KCTD8: variants seen among roughly 807,000 people sequenced by gnomAD.
KCTD8 encodes potassium channel tetramerization domain containing 8.
In KCTD8, 27 loss-of-function variants were observed where a neutral mutation model predicts 31.5. That is an observed-to-expected ratio of 0.86 (90% CI 0.63 to 1.18). The LOEUF is 1.18. KCTD8 is among the 50% of genes most tolerant of loss of function. KCTD8 has a pLI of 0.00. For missense variants in KCTD8, 658 were observed against 647.7 expected (o/e 1.02, Z -0.17); for synonymous variants, 290 against 280.0 (o/e 1.04, Z -0.36).
At chr4:44,242,078 T>C (rs1326967914) in intron 1 of KCTD8, among the ~76,000 whole-genome samples, 3 of 152,202 alleles carry the variant, frequency 2.0e-5, no homozygotes, top group Non-Finnish European at 2.9e-5. Context: ...GACTACTCAG[T>C]GTGCAAAAAA....
chr4:44,316,856 T>C (rs1471202449), intron 1 of KCTD8, among the ~76,000 whole-genome samples: 1 of 143,938 alleles, frequency 6.9e-6, no homozygotes, highest in African/African-American at 2.6e-5. Flanking sequence ...CCGGCGCCTG[T>C]AGTCCCAGAT....
intron 1 of KCTD8, among the ~76,000 whole-genome samples, chr4:44,225,538 A>AT (rs537305803): frequency 1.0e-3 from 152 of 151,994 alleles, no homozygotes; most frequent in African/African-American, 3.5e-3. Context: ...ATCATATTGG[A>AT]TTTTTTCTCA....
At chr4:44,366,031 A>G (rs1010560084) in intron 1 of KCTD8, among the ~76,000 whole-genome samples, 4 of 152,198 alleles carry the variant, frequency 2.6e-5, no homozygotes, top group Non-Finnish European at 2.9e-5. Context: ...ACAATATGAC[A>G]TGATTTATAT....
chr4:44,403,669 T>C (rs1720718927), intron 1 of KCTD8, among the ~76,000 whole-genome samples: 1 of 151,838 alleles, frequency 6.6e-6, no homozygotes, highest in Non-Finnish European at 1.5e-5. Flanking sequence ...CAGATTAGAT[T>C]AGGCCCACTC....
At chr4:44,405,817 CAAAAAA>C (rs903559298) in intron 1 of KCTD8, among the ~76,000 whole-genome samples, 8 of 32,246 alleles carry the variant, frequency 2.5e-4, no homozygotes, top group South Asian at 3.2e-3. Flanking sequence ...TCCTGTTTCT[CAAAAAA>C]AAAAAAAAAA....
intron 1 of KCTD8, among the ~76,000 whole-genome samples, chr4:44,282,406 C>T (rs1716927155): frequency 6.6e-6 from 1 of 152,078 alleles, no homozygotes; most frequent in South Asian, 2.1e-4. Flanking sequence ...GTGTGTTCTC[C>T]ATCTCTCTCC....
intron 1 of KCTD8, among the ~76,000 whole-genome samples, chr4:44,297,320 T>A (rs1717463845): frequency 6.6e-6 from 1 of 152,130 alleles, no homozygotes; most frequent in South Asian, 2.1e-4. Context: ...GCAAATTAAA[T>A]CACATTTTGG....
intron 1 of KCTD8, among the ~76,000 whole-genome samples, chr4:44,305,039 G>T (rs1274346974): frequency 6.6e-6 from 1 of 151,826 alleles, no homozygotes; most frequent in East Asian, 1.9e-4. Context: ...CATTAAAATA[G>T]TATAAGAATA....
At chr4:44,272,996 A>T (rs1419186705) in intron 1 of KCTD8, among the ~76,000 whole-genome samples, 2 of 152,084 alleles carry the variant, frequency 1.3e-5, no homozygotes, top group Non-Finnish European at 2.9e-5. Context: ...GTCACATCAC[A>T]TATCAGCAAC....
Position 44,323,402 on chromosome 4 carries a change from G to A in KCTD8, c.961+124161C>T, listed in dbSNP as rs1312588492. ...CCAGCTACTTGGGAGGCTGAAGTAG[G>A]AGAATCCCTTGAACGTAGGAGGCAG... On this transcript the variant is annotated intron_variant, in intron 1 of 1. Transcript: ENST00000360029. Among the ~76,000 whole-genome samples the A allele has an allele frequency of 2.0e-5, 3 of 151,728 alleles. No homozygotes were observed. The East Asian group carries it at 5.8e-4, about 29-fold the overall frequency.
chr4:44,336,624 C>A (rs74925068), intron 1 of KCTD8, among the ~76,000 whole-genome samples: 21 of 151,778 alleles, frequency 1.4e-4, no homozygotes, highest in Non-Finnish European at 2.4e-4. Flanking sequence ...AAATCATAAA[C>A]TGAAAAACAA....
intron 1 of KCTD8, among the ~76,000 whole-genome samples, chr4:44,429,948 T>C (rs1038669901): frequency 6.6e-6 from 1 of 151,582 alleles, no homozygotes; most frequent in African/African-American, 2.4e-5. Flanking sequence ...TAAATTGCAA[T>C]GGCTTTCCTT....
chr4:44,352,976 G>C (rs1719252261), intron 1 of KCTD8, among the ~76,000 whole-genome samples: 1 of 152,100 alleles, frequency 6.6e-6, no homozygotes, highest in Middle Eastern at 3.4e-3. Flanking sequence ...TAAGTATAAA[G>C]GTGCATACGA....
intron 1 of KCTD8, among the ~76,000 whole-genome samples, chr4:44,269,688 T>G (rs1196360340): frequency 6.6e-6 from 1 of 151,930 alleles, no homozygotes; most frequent in Non-Finnish European, 1.5e-5. Context: ...TCAAACAAAT[T>G]TACAAGAAAA....
intron 1 of KCTD8, among the ~76,000 whole-genome samples, chr4:44,339,646 T>C (rs1350693395): frequency 6.6e-6 from 1 of 152,026 alleles, no homozygotes; most frequent in Non-Finnish European, 1.5e-5. Flanking sequence ...GACAAAAATA[T>C]CCATACTGAT....
At chr4:44,358,933 C>CT (rs1430280602) in intron 1 of KCTD8, among the ~76,000 whole-genome samples, 1 of 152,092 alleles carries the variant, frequency 6.6e-6, no homozygotes, top group Non-Finnish European at 1.5e-5. Flanking sequence ...TGATGATGAG[C>CT]TTTTTTTCAT....
intron 1 of KCTD8, among the ~76,000 whole-genome samples, chr4:44,380,390 T>C (rs1720030420): frequency 6.8e-6 from 1 of 146,626 alleles, no homozygotes; most frequent in African/African-American, 2.5e-5. Flanking sequence ...CATGTTAAAA[T>C]CAATATTGGC....
At chr4:44,386,457 T>C (rs1720213352) in intron 1 of KCTD8, among the ~76,000 whole-genome samples, 1 of 151,462 alleles carries the variant, frequency 6.6e-6, no homozygotes, top group Admixed American at 6.6e-5. Flanking sequence ...AATAGACATT[T>C]CCCAAAAGAC....
chr4:44,201,442 A>G (rs1156394692), intron 1 of KCTD8, among the ~76,000 whole-genome samples: 1 of 152,142 alleles, frequency 6.6e-6, no homozygotes, highest in African/African-American at 2.4e-5. Context: ...ACAGCATGGT[A>G]CTGGTACAAA....
Sources: allele counts gnomAD v4.1 joint callset (sites outside exome capture counted in the v4.1 genomes callset), GRCh38; gene constraint gnomAD v4.1.1; transcripts MANE v1.5; gene names NCBI Gene and HGNC (gene_info 2026-07-23, HGNC 2026-07-21).